The following RYR2 variants were observed in gnomAD, a reference collection of about 807,000 sequenced individuals.
RYR2 encodes ryanodine receptor 2.
Under a neutral mutation model 601.1 loss-of-function variants are expected in RYR2, and 227 were observed. That is an observed-to-expected ratio of 0.38 (90% CI 0.34 to 0.42). RYR2 has a LOEUF of 0.42. RYR2 is among the 10% of genes least tolerant of loss of function. The pLI, the probability that RYR2 is intolerant of heterozygous loss-of-function variation, is 1.00. For synonymous variants in RYR2, 2,223 were observed against 2,175.1 expected (o/e 1.02, Z -0.61); for missense variants, 4,646 against 6,156.5 (o/e 0.75, Z 8.21).
chr1:237,815,703 C>A (rs143638388), intron 100 of RYR2, among the ~76,000 whole-genome samples: 1 of 152,268 alleles, frequency 6.6e-6, no homozygotes, highest in Non-Finnish European at 1.5e-5. Context: ...GAGACATTTT[C>A]TTTGGTAATT....
At chr1:237,617,543 T>G in intron 38 of RYR2, 57 bp downstream of exon 38, 1 of 1,534,980 alleles carries the variant, frequency 6.5e-7, no homozygotes, top group Non-Finnish European at 8.9e-7. Flanking sequence ...TCATTCAGGA[T>G]CTCTGCCTTG....
At chr1:237,506,517 G>C (rs1157128091) in intron 22 of RYR2, among the ~76,000 whole-genome samples, 193 bp from the exon 23 acceptor site, 2 of 149,994 alleles carry the variant, frequency 1.3e-5, no homozygotes, top group African/African-American at 5.0e-5. Context: ...CAGCCTGGGC[G>C]ACAGAGTGAG....
chr1:237,603,817 G>T (rs1676788665), intron 35 of RYR2, among the ~76,000 whole-genome samples: 1 of 152,086 alleles, frequency 6.6e-6, no homozygotes, highest in Non-Finnish European at 1.5e-5. Flanking sequence ...GATCAAAAGA[G>T]ACAAACAAGG....
At chr1:237,706,507 G>A (rs546383827) in intron 67 of RYR2, among the ~76,000 whole-genome samples, 1 of 152,174 alleles carries the variant, frequency 6.6e-6, no homozygotes, top group Admixed American at 6.5e-5. Context: ...ATCCAGGAAA[G>A]ATTTGAGTAT....
chr1:237,773,671 T>C lies in RYR2; in HGVS notation c.11775+23T>C, dbSNP rs751156080. 2.5e-6 allele frequency: 4 copies of C among 1,605,030 alleles called. No individual in the cohort carries two copies. The African/African-American group carries it at 5.3e-5, about 21-fold the overall frequency. On this transcript the variant is annotated intron_variant, in intron 87 of 104. Coordinates refer to ENST00000366574, the MANE Select transcript of RYR2 (RefSeq NM_001035.3). ...CAGGTAAACATTTAAACATGGCTGC[T>C]ATCTGTAGCACTGAACTCCATAGAA...
In RYR2 at chr1:237,213,416, G is replaced by A. The variant is rs190775879; in HGVS notation, c.49-57081G>A. On this transcript the variant is annotated intron_variant, in intron 1 of 104. Coordinates refer to ENST00000366574, the MANE Select transcript of RYR2 (RefSeq NM_001035.3). The stretch of plus-strand genomic sequence containing the variant: ...TTGTCTCAAACTCCTGAGCTCAAGT[G>A]ATCGTCCTACTTTGGCCTCACAAAG... 1.9e-3 allele frequency among the ~76,000 whole-genome samples: 286 copies of A among 152,226 alleles called. 1 individual carries two copies. Among genetic ancestry groups the A allele is most frequent in the Middle Eastern group, 0.01 (3 of 294 alleles).
rs144256966 is a variant in RYR2, at chr1:237,723,214, G to A, written c.10641G>A (p.Thr3547=). 639 of 1,611,298 alleles carry A rather than the reference G, an allele frequency of 4.0e-4. 4 individuals carry two copies. The African/African-American group carries it at 4.3e-3, about 11-fold the overall frequency. ...RTDDTSDPEK[T]VERVLDIANV... ...ATGATACCTCAGATCCAGAGAAGAC[G>A]GTAGAAAGAGTATTGGATATAGCAA... The change falls in exon 74 of 105, where the codon ACG becomes ACA. Residue 3547 remains threonine (T), a synonymous_variant. Transcript: ENST00000366574.
At chr1:237,210,956 G>C (rs1682505303) in intron 1 of RYR2, among the ~76,000 whole-genome samples, 1 of 152,196 alleles carries the variant, frequency 6.6e-6, no homozygotes. Context: ...GATGGCAAAT[G>C]GAGCTTAGCG....
chr1:237,730,140 G>A (rs1450866036), intron 76 of RYR2, 120 bp from the exon 77 acceptor site: 8 of 631,354 alleles, frequency 1.3e-5, no homozygotes, highest in East Asian at 5.6e-5. Flanking sequence ...GTCAAGAATA[G>A]AGAATTTATT....
In RYR2 at chr1:237,819,129, C is replaced by T; in HGVS notation, c.14527C>T (p.Arg4843Ter). The change falls in exon 101 of 105, where the codon CGA becomes TGA. Residue 4843 changes from arginine (R) to a stop codon, truncating the protein, a stop_gained. Transcript: ENST00000366574. LOFTEE classifies it high-confidence loss of function. This position sits in a 1 kb window ranked among gnomAD's most constrained non-coding sequence, Gnocchi z 4.0. ...DPAGDEYEIY[R>*]IIFDITFFFF... ...AGCAGGAGATGAATATGAGATCTAT[C>T]GAATCATCTTTGACATCACTTTCTT... The T allele has an allele frequency of 6.2e-7, 1 of 1,613,458 alleles. No homozygotes were observed. The highest frequency in any genetic ancestry group is 8.5e-7 in the Non-Finnish European group (1 of 1,179,462).
At chr1:237,821,112 A>G (rs1020692896) in intron 101 of RYR2, among the ~76,000 whole-genome samples, 1 of 152,180 alleles carries the variant, frequency 6.6e-6, no homozygotes. Context: ...AGTAGACTTA[A>G]ACGTCCCTGC....
chr1:237,711,586 C>T (rs1458808002), intron 70 of RYR2, among the ~76,000 whole-genome samples, 159 bp from the exon 71 acceptor site: 1 of 152,162 alleles, frequency 6.6e-6, no homozygotes, highest in African/African-American at 2.4e-5. Context: ...AGCCAAGTAC[C>T]CTCATTAGAT....
intron 64 of RYR2, among the ~76,000 whole-genome samples, chr1:237,699,676 G>C (rs961323435): frequency 1.3e-5 from 2 of 152,144 alleles, no homozygotes; most frequent in South Asian, 2.1e-4. Context: ...TTTCATTTAA[G>C]GTCTTTTGTA....
intron 1 of RYR2, among the ~76,000 whole-genome samples, chr1:237,190,106 C>T (rs1000164964): frequency 6.6e-6 from 1 of 152,000 alleles, no homozygotes; most frequent in African/African-American, 2.4e-5. Context: ...CCAGGCTAGT[C>T]TTGAACTCCT....
chr1:237,127,313 C>A (rs1236267510), intron 1 of RYR2, among the ~76,000 whole-genome samples: 3 of 151,834 alleles, frequency 2.0e-5, no homozygotes, highest in Non-Finnish European at 4.4e-5. Flanking sequence ...ACCTCCCAGA[C>A]AGGGTGGTGG....
chr1:237,607,065 C>T (rs1383393621), intron 35 of RYR2, among the ~76,000 whole-genome samples: 1 of 152,198 alleles, frequency 6.6e-6, no homozygotes, highest in East Asian at 1.9e-4. Context: ...CTAGCCATCC[C>T]ATTACTGGGT....
intron 16 of RYR2, among the ~76,000 whole-genome samples, chr1:237,461,972 T>C (rs1659533157): frequency 6.6e-6 from 1 of 152,176 alleles, no homozygotes; most frequent in Non-Finnish European, 1.5e-5. Flanking sequence ...CAGAACCATA[T>C]GCTGCCAATA....
Position 237,358,177 on chromosome 1 carries a change from G to A in RYR2, c.294+2192G>A, listed in dbSNP as rs540107227. Among the ~76,000 whole-genome samples the A allele has an allele frequency of 7.2e-5, 11 of 152,156 alleles. No homozygotes were observed. The East Asian group carries it at 1.2e-3, about 16-fold the overall frequency. ...TAGAACCGGTCCCTTGACCTTTCTC[G>A]TATTCCAAGAGTGAAATACCCCACA... On this transcript the variant is annotated intron_variant, in intron 4 of 104. Coordinates refer to ENST00000366574, the MANE Select transcript of RYR2 (RefSeq NM_001035.3).
chr1:237,815,378 T>C (rs1267888922), intron 100 of RYR2, among the ~76,000 whole-genome samples: 1 of 152,214 alleles, frequency 6.6e-6, no homozygotes, highest in Non-Finnish European at 1.5e-5. Context: ...ACATACCTCC[T>C]ATTCCAGCAC....
Sources: gnomAD v4.1 joint callset for allele counts (sites outside exome capture counted in the v4.1 genomes callset) on GRCh38, gnomAD v4.1.1 for gene constraint, Gnocchi (gnomAD v3.1) non-coding constraint, MANE v1.5 for transcripts, NCBI Gene and HGNC (gene_info 2026-07-23, HGNC 2026-07-21) for gene names.